LYG2: variants seen among roughly 807,000 people sequenced by gnomAD.
LYG2 encodes lysozyme g2, also known as lysozyme g-like protein 2.
A neutral mutation model predicts 22.4 loss-of-function variants in LYG2; 25 were observed. The observed-to-expected ratio is 1.12, with a 90% CI of 0.81 to 1.56. The LOEUF is 1.56. Among genes scored for constraint, LYG2 ranks in the 40% most tolerant of loss-of-function variants. The pLI, the probability that LYG2 is intolerant of heterozygous loss-of-function variation, is 0.00. For missense variants in LYG2, 266 were observed against 269.5 expected (o/e 0.99, Z 0.09); for synonymous variants, 88 against 97.0 (o/e 0.91, Z 0.55).
chr2:99,253,612 C>A (rs567183067), intron 3 of LYG2, among the ~76,000 whole-genome samples: 2 of 152,106 alleles, frequency 1.3e-5, no homozygotes, highest in Admixed American at 1.3e-4. Flanking sequence ...AGCCTTCCCC[C>A]CAGAAACCCC....
chr2:99,246,821 C>T lies in LYG2; in HGVS notation c.44-1G>A, dbSNP rs376244335. The stretch of plus-strand genomic sequence containing the variant: ...AAGGGGTATGAGCCCCTGGAAGTGC[C>T]TAGGAGGCAGAAGTGTAACTCACAT... On this transcript the variant is annotated splice_acceptor_variant, in intron 3 of 6. Coordinates refer to ENST00000333017, the MANE Select transcript of LYG2 (RefSeq NM_175735.4). LOFTEE classifies it high-confidence loss of function. The T allele has an allele frequency of 6.2e-7, 1 of 1,609,586 alleles. No homozygotes were observed. The highest frequency in any genetic ancestry group is 8.5e-7 in the Non-Finnish European group (1 of 1,178,808).
chr2:99,255,925 G>A (rs1475883818), upstream of LYG2, among the ~76,000 whole-genome samples: 1 of 152,204 alleles, frequency 6.6e-6, no homozygotes, highest in African/African-American at 2.4e-5. Context: ...AAGAGAGGAA[G>A]CATATTGTGC....
At chr2:99,254,816 C>T (rs761534320) in intron 2 of LYG2, among the ~76,000 whole-genome samples, 19 of 152,144 alleles carry the variant, frequency 1.2e-4, no homozygotes, top group Admixed American at 6.5e-4. Context: ...GCGACATATG[C>T]GTGCCACCAT....
At chr2:99,243,556 G>A (rs977839607) in intron 6 of LYG2, 2 of 1,409,094 alleles carry the variant, frequency 1.4e-6, no homozygotes, top group Non-Finnish European at 1.9e-6. Context: ...TTTTTTGAGA[G>A]ATGGGGTCTC....
At chr2:99,244,449 A>C (rs2094012198) in intron 5 of LYG2, among the ~76,000 whole-genome samples, 1 of 152,242 alleles carries the variant, frequency 6.6e-6, no homozygotes, top group Non-Finnish European at 1.5e-5. Context: ...TCAGATAAAA[A>C]TTTGTTTCTA....
At chr2:99,257,790 T>G (rs1226443797), upstream of LYG2, among the ~76,000 whole-genome samples, 1 of 152,122 alleles carries the variant, frequency 6.6e-6, no homozygotes, top group African/African-American at 2.4e-5. Context: ...TGGTGGAGAC[T>G]CCAATCATCC....
At chr2:99,244,508 C>G (rs1368484284) in intron 5 of LYG2, among the ~76,000 whole-genome samples, 1 of 152,080 alleles carries the variant, frequency 6.6e-6, no homozygotes, top group African/African-American at 2.4e-5. Flanking sequence ...TAAAATCGAG[C>G]CTGGAAGCAA....
At chr2:99,251,846 T>C (rs536744321) in intron 3 of LYG2, among the ~76,000 whole-genome samples, 1 of 150,086 alleles carries the variant, frequency 6.7e-6, no homozygotes, top group Non-Finnish European at 1.5e-5. Flanking sequence ...AAAAAAAAAA[T>C]TTTTTTTTCC....
At chr2:99,246,938 G>T in intron 3 of LYG2, 118 bp from the exon 4 acceptor site, 4 of 937,258 alleles carry the variant, frequency 4.3e-6, no homozygotes, top group Non-Finnish European at 4.7e-6. Context: ...CAACTCTCTT[G>T]TTGCCATTAT....
At position 99,243,373 on chromosome 2, in the gene LYG2, A is replaced by G. The variant is rs1392060497; in HGVS notation, c.520+626T>C. The G allele has an allele frequency of 2.0e-6, 3 of 1,503,688 alleles. No individual in the cohort carries two copies. The East Asian group carries it at 7.4e-5, about 37-fold the overall frequency. 93.1% of individuals were successfully genotyped at this position (1,503,688 alleles called of 1,614,324 possible). On this transcript the variant is annotated intron_variant, in intron 6 of 6. Coordinates refer to ENST00000333017, the MANE Select transcript of LYG2 (RefSeq NM_175735.4). ...TGTGGTCAGCCAAGCAGAGATTTCC[A>G]CTTGGATATATAGCACCTGAAGTCC...
intron 3 of LYG2, among the ~76,000 whole-genome samples, chr2:99,250,231 A>C (rs1465366404): frequency 2.0e-5 from 3 of 152,144 alleles, no homozygotes; most frequent in African/African-American, 4.8e-5. Context: ...TCTCTGTCCA[A>C]ATATCACCTT....
upstream of LYG2, among the ~76,000 whole-genome samples, chr2:99,260,258 C>T (rs112333021): frequency 2.2e-4 from 34 of 152,186 alleles, no homozygotes; most frequent in African/African-American, 6.7e-4. Flanking sequence ...CCACCGTGCC[C>T]GGCCAAGTAA....
chr2:99,254,402 C>T (rs1264903882), intron 2 of LYG2, 117 bp from the exon 3 acceptor site: 9 of 709,364 alleles, frequency 1.3e-5, no homozygotes, highest in Admixed American at 5.3e-5. Flanking sequence ...ACTCATTTCC[C>T]TGTTTCAAGA....
At position 99,250,443 on chromosome 2, in the gene LYG2, T is replaced by C. The variant is rs866717878; in HGVS notation, c.44-3623A>G. 1.1e-4 allele frequency among the ~76,000 whole-genome samples: 16 copies of C among 149,314 alleles called. No individual in the cohort carries two copies. In the South Asian group the frequency reaches 2.8e-3, roughly 26 times the overall value. The stretch of plus-strand genomic sequence containing the variant: ...AGGCTGCAGTACAGTGGTGCGATCA[T>C]GGCTCACTGCAAGCTCCGCCTCCTG... On this transcript the variant is annotated intron_variant, in intron 3 of 6. Coordinates refer to ENST00000333017, the MANE Select transcript of LYG2 (RefSeq NM_175735.4).
intron 3 of LYG2, among the ~76,000 whole-genome samples, chr2:99,248,723 T>TA (rs2094021051): frequency 2.0e-5 from 3 of 150,010 alleles, no homozygotes. Flanking sequence ...CCCTAAAACT[T>TA]AAAGTATAAT....
the LYG2 span, among the ~76,000 whole-genome samples, chr2:99,261,329 G>C: frequency 1.3e-5 from 2 of 152,068 alleles, no homozygotes; most frequent in Non-Finnish European, 2.9e-5. Flanking sequence ...GGAGTGTATC[G>C]GCCATCCTTT....
chr2:99,245,956 A>C (rs552056281), intron 4 of LYG2, among the ~76,000 whole-genome samples: 1 of 152,260 alleles, frequency 6.6e-6, no homozygotes, highest in East Asian at 1.9e-4. Context: ...AAAAATACAA[A>C]AATTAGCTGG....
intron 4 of LYG2, 90 bp downstream of exon 4, chr2:99,246,590 T>C: frequency 6.9e-7 from 1 of 1,451,816 alleles, no homozygotes. Flanking sequence ...TAATGATGAT[T>C]ATACCTTTTC....
rs1400231251 is a variant in LYG2 at position 99,245,391 on chromosome 2, G to A, written c.252C>T (p.Ile84=). Residue 84 remains isoleucine (I), a synonymous_variant, in exon 5 of 7, where the codon ATC becomes ATT. Coordinates refer to ENST00000333017, the MANE Select transcript of LYG2 (RefSeq NM_175735.4). ...LRAIKPYQTL[I]KEVGQRHCVD... is the part of the protein sequence containing the mutation. ...CGCAATGTCTCTGCCCGACTTCTTTGATCAGAGTCTGGTAAGGTTTTATGG... is the reference window on the plus strand; with the variant it reads ...CGCAATGTCTCTGCCCGACTTCTTTAATCAGAGTCTGGTAAGGTTTTATGG... 1 of 1,612,974 alleles carries A rather than the reference G, an allele frequency of 6.2e-7. No homozygotes were observed. The highest frequency in any genetic ancestry group is 1.3e-5 in the African/African-American group (1 of 74,852).
Sources: gnomAD v4.1 joint callset for allele counts (sites outside exome capture counted in the v4.1 genomes callset) on GRCh38, gnomAD v4.1.1 for gene constraint, MANE v1.5 for transcripts, NCBI Gene and HGNC (gene_info 2026-07-23, HGNC 2026-07-21) for gene names.